The following DNAH17 variants were observed in gnomAD, a reference collection of about 807,000 sequenced individuals.
DNAH17 encodes the protein dynein axonemal heavy chain 17.
Under a neutral mutation model 485.6 loss-of-function variants are expected in DNAH17, and 376 were observed. The observed-to-expected ratio is 0.77, with a 90% CI of 0.71 to 0.84. The LOEUF (loss-of-function observed/expected upper bound fraction) is 0.84. Among genes scored for constraint, DNAH17 ranks in the 40% least tolerant of loss-of-function variants. The pLI, the probability that DNAH17 is intolerant of heterozygous loss-of-function variation, is 0.00. For missense variants in DNAH17, 6,370 were observed against 5,839.3 expected (o/e 1.09, Z -2.96); for synonymous variants, 3,031 against 2,405.9 (o/e 1.26, Z -7.60).
At chr17:78,475,136 G>A (rs1383574174) in intron 54 of DNAH17, 142 bp downstream of exon 54, 1 of 991,904 alleles carries the variant, frequency 1.0e-6, no homozygotes, top group East Asian at 2.6e-5. Context: ...TGCTTTCTAA[G>A]ATAAAGACCC....
chr17:78,544,200 T>A (rs553516224), intron 16 of DNAH17, among the ~76,000 whole-genome samples: 114 of 152,292 alleles, frequency 7.5e-4, no homozygotes, highest in South Asian at 1.9e-3. Context: ...TTAAATAATT[T>A]AGCTCAAAAC....
chr17:78,426,363 C>T (rs954181352), intron 79 of DNAH17, 94 bp downstream of exon 79: 2 of 1,397,422 alleles, frequency 1.4e-6, no homozygotes, highest in Non-Finnish European at 1.9e-6. Flanking sequence ...GCCTCCTGGC[C>T]ATGCTCCTGC....
At chr17:78,483,545 G>C (rs988689784) in intron 48 of DNAH17, among the ~76,000 whole-genome samples, 6 of 151,378 alleles carry the variant, frequency 4.0e-5, no homozygotes, top group African/African-American at 1.4e-4. Flanking sequence ...CAGGAGAATC[G>C]CTGGAACCCA....
chr17:78,444,131 A>C (rs1000295088), intron 71 of DNAH17, among the ~76,000 whole-genome samples: 1 of 152,240 alleles, frequency 6.6e-6, no homozygotes, highest in East Asian at 1.9e-4. Flanking sequence ...AGGTACTCAA[A>C]GTCCTCGAAT....
chr17:78,561,889 G>C lies in DNAH17; in HGVS notation c.1661C>G (p.Ala554Gly). The change falls in exon 12 of 81, where the codon GCT (alanine) becomes GGT (glycine). Residue 554 changes from alanine (A) to glycine (G), a missense_variant. Coordinates refer to ENST00000389840, the MANE Select transcript of DNAH17 (RefSeq NM_173628.4). ...CAAGATCTTAGCATTGTCTAGCTCA[G>C]CGTCAAACAGCTCCAGCATGACTGA... is the stretch of plus-strand genomic sequence containing the variant. ...RYSVMLELFD[A>G]ELDNAKILYD... 6.2e-7 allele frequency: 1 copy of C among 1,613,890 alleles called. No individual in the cohort carries two copies. Among genetic ancestry groups the C allele is most frequent in the Non-Finnish European group, 8.5e-7 (1 of 1,179,860 alleles).
chr17:78,501,993 A>C lies in DNAH17; in HGVS notation c.5191-120T>G, dbSNP rs546658153. 2.1e-6 allele frequency: 3 copies of C among 1,436,214 alleles called. No homozygotes were observed. The African/African-American group carries it at 4.2e-5, about 20-fold the overall frequency. The allele number at this position is 1,436,214 out of a possible 1,614,324, so 89.0% of individuals were successfully genotyped here. ...ACCATGCTTTTGTTTACAGTAATGA[A>C]AAACAAGAGCGCCCTCGGTAGGCCC... On this transcript the variant is annotated intron_variant, in intron 33 of 80. Transcript: ENST00000389840.
chr17:78,498,508 GGC>G (rs1481037073), intron 37 of DNAH17, among the ~76,000 whole-genome samples: 1 of 152,210 alleles, frequency 6.6e-6, no homozygotes, highest in East Asian at 1.9e-4. Flanking sequence ...GTGGGGGTGG[GGC>G]GCTGGCCCAG....
intron 64 of DNAH17, 36 bp downstream of exon 64, chr17:78,454,434 G>C (rs1437084766): frequency 6.4e-7 from 1 of 1,550,934 alleles, no homozygotes; most frequent in Non-Finnish European, 8.8e-7. Context: ...TCCAAGCAGA[G>C]CCGGGCTTCG....
At chr17:78,525,577 T>C (rs1252695233) in intron 24 of DNAH17, among the ~76,000 whole-genome samples, 1 of 152,260 alleles carries the variant, frequency 6.6e-6, no homozygotes. Context: ...TCAAATCCCA[T>C]GACTAAGAGT....
Position 78,554,749 on chromosome 17 carries a change from T to C in DNAH17, c.2179-1944A>G, listed in dbSNP as rs184709391. On this transcript the variant is annotated intron_variant, in intron 14 of 80. Coordinates refer to ENST00000389840, the MANE Select transcript of DNAH17 (RefSeq NM_173628.4). ...TCAGAATAATTCTTTACATACATTT[T>C]GGTACTTTATTTTTTGAGACGGAGT... Among the ~76,000 whole-genome samples, 86 of 152,272 alleles carry C rather than the reference T, an allele frequency of 5.6e-4. 4 individuals are homozygous for C. In the East Asian group the frequency reaches 0.015, roughly 26 times the overall value.
intron 48 of DNAH17, 102 bp downstream of exon 48, chr17:78,484,766 T>C (rs12952246): frequency 0.59 from 314,835 of 533,892 alleles, 87,340 homozygotes; most frequent in Admixed American, 0.68. Flanking sequence ...ACACCAGTCC[T>C]GCCCTACTGC....
At chr17:78,496,632 T>C (rs1224578574) in intron 37 of DNAH17, 1 of 150,122 alleles carries the variant, frequency 6.7e-6, no homozygotes, top group Non-Finnish European at 1.5e-5. Context: ...GTTATATAAG[T>C]GGAATTGTAT....
At position 78,546,407 on chromosome 17, in the gene DNAH17, GTAAC is replaced by G. The variant is rs147798142; in HGVS notation, c.2392-2414_2392-2411del. 7.5e-3 allele frequency among the ~76,000 whole-genome samples: 1,142 copies of G among 152,190 alleles called. 19 individuals are homozygous for G. The highest frequency in any genetic ancestry group is 0.026 in the African/African-American group (1,092 of 41,512). On this transcript the variant is annotated intron_variant, in intron 16 of 80. Transcript: ENST00000389840. The stretch of plus-strand genomic sequence containing the variant: ...TGCTTTTAAATACTTTATATATACT[GTAAC>G]TAATGTTTGCCCTTTGTTATCACGT...
intron 62 of DNAH17, among the ~76,000 whole-genome samples, chr17:78,457,657 C>CTTTT (rs71160297): frequency 3.0e-5 from 2 of 66,782 alleles, no homozygotes; most frequent in Non-Finnish European, 5.8e-5. Context: ...CCGTGCCTGG[C>CTTTT]TTTTTTTTTT....
intron 32 of DNAH17, 91 bp downstream of exon 32, chr17:78,502,795 G>A: frequency 1.3e-6 from 2 of 1,588,384 alleles, no homozygotes; most frequent in South Asian, 2.3e-5. Context: ...TTTTCCAGGG[G>A]ACCACAGTTA....
At chr17:78,520,581 T>C (rs889619859) in intron 25 of DNAH17, among the ~76,000 whole-genome samples, 1 of 151,594 alleles carries the variant, frequency 6.6e-6, no homozygotes, top group South Asian at 2.1e-4. Context: ...CAAACAAACA[T>C]GTGCAAACCA....
intron 74 of DNAH17, among the ~76,000 whole-genome samples, chr17:78,434,899 G>A (rs141489939): frequency 3.3e-5 from 5 of 152,206 alleles, no homozygotes; most frequent in Admixed American, 1.3e-4. Flanking sequence ...CACTCTGTGT[G>A]GGGGGAGGGC....
rs577231887 is a variant in DNAH17, at chr17:78,508,928, A to G, written c.4237-1123T>C. Among the ~76,000 whole-genome samples the G allele has an allele frequency of 4.9e-3, 735 of 151,076 alleles. 6 individuals carry two copies. Among genetic ancestry groups the G allele is most frequent in the Admixed American group, 0.011 (161 of 15,198 alleles). On this transcript the variant is annotated intron_variant, in intron 27 of 80. Coordinates refer to ENST00000389840, the MANE Select transcript of DNAH17 (RefSeq NM_173628.4). ...TTCATCCTCCCACTTCAGCCTCCCA[A>G]GTAGCTGGGACTACAGGTGTGTGTC...
chr17:78,561,316 G>T (rs531056335), intron 12 of DNAH17, among the ~76,000 whole-genome samples: 2 of 150,514 alleles, frequency 1.3e-5, no homozygotes, highest in Non-Finnish European at 3.0e-5. Context: ...CAGCTGCACC[G>T]GCCTCCCCAG....
Sources: gnomAD v4.1 joint callset for allele counts (sites outside exome capture counted in the v4.1 genomes callset) on GRCh38, gnomAD v4.1.1 for gene constraint, MANE v1.5 for transcripts, NCBI Gene and HGNC (gene_info 2026-07-23, HGNC 2026-07-21) for gene names.